GPC6: variants seen among roughly 807,000 people sequenced by gnomAD.
The protein encoded by GPC6 is glypican 6.
Under a neutral mutation model 55.2 loss-of-function variants are expected in GPC6, and 14 were observed. The observed-to-expected ratio is 0.25, with a 90% confidence interval of 0.17 to 0.40. The LOEUF (loss-of-function observed/expected upper bound fraction) is 0.40. Among genes scored for constraint, GPC6 ranks in the 10% least tolerant of loss-of-function variants. GPC6 has a pLI of 1.00. For synonymous variants in GPC6, 278 were observed against 259.6 expected, an observed-to-expected ratio of 1.07 and a Z score of -0.68; for missense variants, 641 against 708.5, an observed-to-expected ratio of 0.90 and a Z score of 1.08.
chr13:94,113,322 G>A (rs1886315444), intron 4 of GPC6, among the ~76,000 whole-genome samples: 1 of 151,892 alleles, frequency 6.6e-6, no homozygotes, highest in Non-Finnish European at 1.5e-5. Flanking sequence ...TTTTTAAATG[G>A]ACCCTCAGGA....
chr13:93,584,198 A>G (rs946598458), intron 2 of GPC6, among the ~76,000 whole-genome samples: 18 of 152,226 alleles, frequency 1.2e-4, no homozygotes, highest in African/African-American at 4.3e-4. Flanking sequence ...TCGAAGAAAC[A>G]TAGATCAAAG....
chr13:94,273,167 A>T (rs1392944193), intron 4 of GPC6, among the ~76,000 whole-genome samples: 1 of 152,184 alleles, frequency 6.6e-6, no homozygotes, highest in Non-Finnish European at 1.5e-5. Context: ...GATAGCAGAG[A>T]TGAATCCCAG....
intron 4 of GPC6, among the ~76,000 whole-genome samples, chr13:94,157,841 G>A (rs1888009283): frequency 6.6e-6 from 1 of 152,150 alleles, no homozygotes; most frequent in Non-Finnish European, 1.5e-5. Context: ...CTGGTACAGT[G>A]ATAGTTGAAA....
At position 93,863,106 on chromosome 13, in the gene GPC6, T is replaced by C. The variant is rs116239028; in HGVS notation, c.711+32561T>C. Among the ~76,000 whole-genome samples the C allele has an allele frequency of 4.3e-3, 652 of 151,824 alleles. 5 individuals carry two copies. The highest frequency in any genetic ancestry group is 0.015 in the African/African-American group (603 of 41,508). On this transcript the variant is annotated intron_variant, in intron 3 of 8. Coordinates refer to ENST00000377047, the MANE Select transcript of GPC6 (RefSeq NM_005708.5). ...ATGTGCTATGAAAACAAATACCCAA[T>C]GCTACAAGGCTGACTAGAGACAACC...
chr13:94,365,186 C>T (rs1398820865), intron 6 of GPC6, among the ~76,000 whole-genome samples: 2 of 152,178 alleles, frequency 1.3e-5, no homozygotes. Context: ...TCTGTGAGCA[C>T]ATATTCTGGG....
At position 94,405,799 on chromosome 13, in the gene GPC6, C is replaced by T. The variant is rs971165085; in HGVS notation, c.*2582C>T. On this transcript the variant is annotated 3_prime_UTR_variant, in exon 9 of 9. Coordinates refer to ENST00000377047, the MANE Select transcript of GPC6 (RefSeq NM_005708.5). Reference sequence around the variant, plus strand: ...TTAATGATGTCACAGTGTTAGCACCCTGCATGGATGTGGTCAAAATATCAT... The same window carrying T: ...TTAATGATGTCACAGTGTTAGCACCTTGCATGGATGTGGTCAAAATATCAT... 6 of 152,148 alleles carry T rather than the reference C, an allele frequency of 3.9e-5. No homozygotes were observed. Among genetic ancestry groups the T allele is most frequent in the African/African-American group, 1.4e-4 (6 of 41,436 alleles). 9.4% of individuals were successfully genotyped at this position (152,148 alleles called of 1,614,324 possible).
intron 3 of GPC6, among the ~76,000 whole-genome samples, chr13:93,987,106 C>T (rs868171270): frequency 1.3e-5 from 2 of 152,100 alleles, no homozygotes; most frequent in East Asian, 3.9e-4. Context: ...CTAATACGCT[C>T]TCTCATGAGA....
At chr13:94,240,624 T>TAAATAAAATA (rs147988812) in intron 4 of GPC6, among the ~76,000 whole-genome samples, 6 of 149,742 alleles carry the variant, frequency 4.0e-5, no homozygotes, top group African/African-American at 1.2e-4. Context: ...AGACAGAAAG[T>TAAATAAAATA]AAATAAAATA....
At chr13:94,185,626 T>TA (rs1045425850) in intron 4 of GPC6, among the ~76,000 whole-genome samples, 8 of 151,664 alleles carry the variant, frequency 5.3e-5, no homozygotes, top group African/African-American at 9.7e-5. Context: ...ACCATCAATG[T>TA]AAAAAAAAGA....
At chr13:93,624,633 A>G (rs1375986155) in intron 2 of GPC6, among the ~76,000 whole-genome samples, 1 of 152,252 alleles carries the variant, frequency 6.6e-6, no homozygotes, top group Non-Finnish European at 1.5e-5. Context: ...ACATGGGTAA[A>G]GTCACACTCA....
intron 4 of GPC6, among the ~76,000 whole-genome samples, chr13:94,194,290 A>G (rs1889493155): frequency 6.6e-6 from 1 of 152,206 alleles, no homozygotes; most frequent in Non-Finnish European, 1.5e-5. Flanking sequence ...GTGCCATACA[A>G]TATCTGGACA....
intron 3 of GPC6, among the ~76,000 whole-genome samples, chr13:93,844,561 T>C (rs1366413201): frequency 1.3e-5 from 2 of 151,240 alleles, no homozygotes; most frequent in Non-Finnish European, 2.9e-5. Context: ...TTCAGATGAG[T>C]AGGTTGCGAA....
At chr13:93,255,695 C>G (rs1220582863) in intron 1 of GPC6, among the ~76,000 whole-genome samples, 3 of 152,128 alleles carry the variant, frequency 2.0e-5, no homozygotes, top group African/African-American at 4.8e-5. Flanking sequence ...CCTTGGGACC[C>G]CATTGCTTGC....
chr13:93,321,998 C>T (rs1879458528), intron 1 of GPC6, among the ~76,000 whole-genome samples: 1 of 152,096 alleles, frequency 6.6e-6, no homozygotes, highest in Non-Finnish European at 1.5e-5. Flanking sequence ...CTTTTTTCTT[C>T]CAATCCATTG....
chr13:93,281,070 A>G lies in GPC6; in HGVS notation c.160+53454A>G, dbSNP rs555089057. Among the ~76,000 whole-genome samples the G allele has an allele frequency of 7.9e-5, 12 of 152,314 alleles. No homozygotes were observed. In the East Asian group the frequency reaches 1.7e-3, roughly 22 times the overall value. On this transcript the variant is annotated intron_variant, in intron 1 of 8. Transcript: ENST00000377047. ...TAAAAATGTTAAGAATGGCTTAATA[A>G]TGTGTCCAAAGTCATTCAGCTTCAG...
chr13:93,969,802 A>G (rs555015693), intron 3 of GPC6, among the ~76,000 whole-genome samples: 7 of 151,950 alleles, frequency 4.6e-5, no homozygotes, highest in South Asian at 2.1e-4. Context: ...TAGCTCCCAC[A>G]TGTGAATGAG....
intron 1 of GPC6, among the ~76,000 whole-genome samples, chr13:93,350,335 G>A (rs899523522): frequency 1.3e-5 from 2 of 152,168 alleles, no homozygotes; most frequent in African/African-American, 2.4e-5. Flanking sequence ...TCAGGAGGCT[G>A]AGGCAGGAAA....
intron 1 of GPC6, among the ~76,000 whole-genome samples, chr13:93,523,387 G>A (rs368694292): frequency 7.3e-5 from 11 of 150,176 alleles, no homozygotes; most frequent in South Asian, 2.1e-4. Context: ...GTATGTATGT[G>A]TATATATATA....
rs562512533 is a variant in GPC6 at position 93,684,984 on chromosome 13, G to GA, written c.319+139570dup. Among the ~76,000 whole-genome samples the GA allele has an allele frequency of 4.0e-3, 613 of 152,090 alleles. 6 individuals are homozygous for GA. Among genetic ancestry groups the GA allele is most frequent in the African/African-American group, 0.014 (572 of 41,506 alleles). On this transcript the variant is annotated intron_variant, in intron 2 of 8. Coordinates refer to ENST00000377047, the MANE Select transcript of GPC6 (RefSeq NM_005708.5). ...GAATGTCAAAATCATTCTTTTAACT[G>GA]AAAAAAATGCATCATATATCTGGTA...
Sources: gnomAD v4.1 joint callset for allele counts (sites outside exome capture counted in the v4.1 genomes callset) on GRCh38, gnomAD v4.1.1 for gene constraint, MANE v1.5 for transcripts, NCBI Gene and HGNC (gene_info 2026-07-23, HGNC 2026-07-21) for gene names.